Variants in TUSC3 observed in about 807,000 individuals in gnomAD.
TUSC3 encodes the protein tumor suppressor candidate 3.
In TUSC3, 45 loss-of-function variants were observed where a neutral mutation model predicts 44.8. That is an observed-to-expected ratio of 1.00 (90% CI 0.79 to 1.29). The LOEUF is 1.29. Ranked by LOEUF, TUSC3 falls within the 50% of genes most tolerant of loss-of-function variation. The pLI, the probability that TUSC3 is intolerant of heterozygous loss-of-function variation, is 0.00. For synonymous variants in TUSC3, 212 were observed against 152.9 expected (o/e 1.39, Z -2.85); for missense variants, 519 against 437.9 (o/e 1.19, Z -1.65).
intron 1 of TUSC3, among the ~76,000 whole-genome samples, chr8:15,556,283 T>C (rs1247402572): frequency 1.4e-5 from 2 of 142,650 alleles, no homozygotes; most frequent in South Asian, 2.4e-4. Flanking sequence ...TGAGATAGTT[T>C]ACTGAGAATG....
intron 6 of TUSC3, among the ~76,000 whole-genome samples, chr8:15,715,353 G>C (rs777598605): frequency 6.6e-6 from 1 of 152,136 alleles, no homozygotes; most frequent in Non-Finnish European, 1.5e-5. Context: ...TCTGTGGTCT[G>C]TCTCTCCTTT....
At chr8:15,784,534 A>ATGTG in the TUSC3 span, among the ~76,000 whole-genome samples, 3 of 151,962 alleles carry the variant, frequency 2.0e-5, no homozygotes, top group East Asian at 3.9e-4. Context: ...ATATATACAT[A>ATGTG]TGTGTGTGTG....
intron 5 of TUSC3, among the ~76,000 whole-genome samples, chr8:15,663,231 A>G (rs1402755984): frequency 6.6e-6 from 1 of 151,874 alleles, no homozygotes; most frequent in African/African-American, 2.4e-5. Context: ...TTGAGACTAG[A>G]TACATATACA....
chr8:15,539,933 T>C (rs371773333), upstream of TUSC3, among the ~76,000 whole-genome samples: 14 of 152,196 alleles, frequency 9.2e-5, no homozygotes, highest in East Asian at 1.7e-3. Context: ...ATGATCTCAA[T>C]GGGAATAGAG....
intron 1 of TUSC3, among the ~76,000 whole-genome samples, chr8:15,569,637 A>T (rs561348582): frequency 6.6e-6 from 1 of 152,304 alleles, no homozygotes; most frequent in Admixed American, 6.5e-5. Flanking sequence ...AGATGACAGG[A>T]GTAAACTGGG....
intron 1 of TUSC3, among the ~76,000 whole-genome samples, chr8:15,482,262 T>C (rs909079760): frequency 7.2e-5 from 11 of 152,194 alleles, no homozygotes; most frequent in Non-Finnish European, 1.6e-4. Flanking sequence ...ACTGAAGTCT[T>C]GAGCCCCTCA....
chr8:15,725,606 A>ATGATGT (rs1180248868), intron 6 of TUSC3, among the ~76,000 whole-genome samples: 1 of 140,524 alleles, frequency 7.1e-6, no homozygotes, highest in East Asian at 1.9e-4. Flanking sequence ...TAGATGACTG[A>ATGATGT]TGATGATGAT....
At chr8:15,802,995 C>T in the TUSC3 span, among the ~76,000 whole-genome samples, 5 of 152,114 alleles carry the variant, frequency 3.3e-5, no homozygotes. Context: ...ACGTGTGATT[C>T]AGTAAACAAC....
At chr8:15,737,264 C>G (rs576991141) in intron 7 of TUSC3, among the ~76,000 whole-genome samples, 2 of 152,080 alleles carry the variant, frequency 1.3e-5, no homozygotes, top group South Asian at 4.1e-4. Context: ...ACATTTTTTT[C>G]AACGTCTATT....
intron 2 of TUSC3, among the ~76,000 whole-genome samples, chr8:15,504,134 A>G (rs1801013157): frequency 6.6e-6 from 1 of 152,166 alleles, no homozygotes. Flanking sequence ...AAAGCCATGA[A>G]TACAATAGGG....
At chr8:15,470,791 T>C (rs1044081875) in intron 1 of TUSC3, among the ~76,000 whole-genome samples, 2 of 152,084 alleles carry the variant, frequency 1.3e-5, no homozygotes, top group African/African-American at 2.4e-5. Context: ...TTCTGTCATG[T>C]CCCAAAGATT....
intron 1 of TUSC3, among the ~76,000 whole-genome samples, chr8:15,609,202 TTC>T (rs1804658229): frequency 6.6e-6 from 1 of 152,206 alleles, no homozygotes; most frequent in African/African-American, 2.4e-5. Context: ...TTTTGCCACA[TTC>T]TGTTAGTAAA....
At chr8:15,649,377 G>T (rs1461738807) in intron 2 of TUSC3, among the ~76,000 whole-genome samples, 1 of 151,996 alleles carries the variant, frequency 6.6e-6, no homozygotes, top group African/African-American at 2.4e-5. Context: ...GAGGTCAGGA[G>T]ATCGAGACCA....
At chr8:15,622,202 G>T (rs1397289716) in intron 1 of TUSC3, among the ~76,000 whole-genome samples, 1 of 152,060 alleles carries the variant, frequency 6.6e-6, no homozygotes, top group African/African-American at 2.4e-5. Context: ...CAGTTTCTTT[G>T]TCTTGTAGGA....
intron 2 of TUSC3, among the ~76,000 whole-genome samples, chr8:15,627,165 C>A (rs1451842238): frequency 6.6e-6 from 1 of 152,146 alleles, no homozygotes; most frequent in Admixed American, 6.5e-5. Context: ...GAGAAGCTGC[C>A]CACCCCAGGG....
intron 7 of TUSC3, chr8:15,743,322 T>C (rs181735678): frequency 3.5e-4 from 193 of 558,572 alleles, no homozygotes; most frequent in Non-Finnish European, 4.7e-4. Flanking sequence ...AGCCTCTCAA[T>C]ATATCACAAA....
At chr8:15,582,021 TTTTAAGCC>T (rs1803376080) in intron 1 of TUSC3, among the ~76,000 whole-genome samples, 1 of 151,998 alleles carries the variant, frequency 6.6e-6, no homozygotes, top group Non-Finnish European at 1.5e-5. Context: ...GTGCGCCGCT[TTTTAAGCC>T]GGTCTGAAAA....
intron 1 of TUSC3, among the ~76,000 whole-genome samples, chr8:15,438,585 C>T (rs961693059): frequency 3.9e-5 from 6 of 152,254 alleles, no homozygotes; most frequent in African/African-American, 1.4e-4. Context: ...TAATACTATT[C>T]ATGGGACCAC....
intron 2 of TUSC3, among the ~76,000 whole-genome samples, chr8:15,634,754 C>G (rs1317470559): frequency 6.6e-6 from 1 of 152,212 alleles, no homozygotes; most frequent in African/African-American, 2.4e-5. Context: ...TTTGCTTACC[C>G]TCATAAAATC....
Sources: gnomAD v4.1 joint callset for allele counts (sites outside exome capture counted in the v4.1 genomes callset) on GRCh38, gnomAD v4.1.1 for gene constraint, MANE v1.5 for transcripts, NCBI Gene and HGNC (gene_info 2026-07-23, HGNC 2026-07-21) for gene names.